ASIC2: variants seen among roughly 807,000 people sequenced by gnomAD.
ASIC2 encodes the protein acid-sensing ion channel 2.
ASIC2 carries 25 observed loss-of-function variants against 57.3 expected under a neutral mutation model. The observed-to-expected ratio is 0.44, with a 90% CI of 0.32 to 0.61. ASIC2 has a LOEUF of 0.61. Ranked by LOEUF, ASIC2 falls within the 20% of genes least tolerant of loss-of-function variation. ASIC2 has a pLI of 0.06. For missense variants in ASIC2, 641 were observed against 738.1 expected (o/e 0.87, Z 1.52); for synonymous variants, 319 against 307.5 (o/e 1.04, Z -0.39).
intron 9 of ASIC2, among the ~76,000 whole-genome samples, chr17:33,015,529 C>A (rs559855254): frequency 9.2e-5 from 14 of 152,306 alleles, no homozygotes; most frequent in African/African-American, 3.1e-4. Flanking sequence ...CTATAATGGG[C>A]ACTATTGCTA....
intron 1 of ASIC2, among the ~76,000 whole-genome samples, chr17:33,271,650 A>C (rs1904497397): frequency 6.6e-6 from 1 of 152,112 alleles, no homozygotes; most frequent in African/African-American, 2.4e-5. Context: ...ATATATGCCA[A>C]ATTGGACCAT....
At chr17:33,520,832 G>A (rs76925476) in intron 1 of ASIC2, among the ~76,000 whole-genome samples, 5,476 of 152,288 alleles carry the variant, frequency 0.036, 138 homozygotes, top group Non-Finnish European at 0.056. Context: ...TTCCCCAGGG[G>A]GAAATGACAA....
At chr17:33,667,603 G>C (rs888828843) in intron 1 of ASIC2, among the ~76,000 whole-genome samples, 2 of 152,146 alleles carry the variant, frequency 1.3e-5, no homozygotes, top group African/African-American at 4.8e-5. Context: ...TTGCTTATTA[G>C]CTGTGTCATT....
At chr17:33,925,272 G>A (rs7219398) in intron 1 of ASIC2, among the ~76,000 whole-genome samples, 42,791 of 152,178 alleles carry the variant, frequency 0.28, 7,262 homozygotes, top group Admixed American at 0.38. Flanking sequence ...GGTTGAATGA[G>A]GAGAAGAATA....
chr17:33,844,095 GGT>G (rs35209071), intron 1 of ASIC2, among the ~76,000 whole-genome samples: 22,910 of 152,056 alleles, frequency 0.15, 1,941 homozygotes, highest in Middle Eastern at 0.28. Context: ...AATAAGCTCT[GGT>G]GTATATGTAT....
chr17:34,122,361 G>C (rs1911649390), intron 1 of ASIC2, among the ~76,000 whole-genome samples: 1 of 152,202 alleles, frequency 6.6e-6, no homozygotes, highest in Non-Finnish European at 1.5e-5. Flanking sequence ...CACACTACCA[G>C]AATGAATGAA....
chr17:33,781,367 C>T (rs1911448029), intron 1 of ASIC2, among the ~76,000 whole-genome samples: 1 of 152,142 alleles, frequency 6.6e-6, no homozygotes, highest in African/African-American at 2.4e-5. Context: ...CTTGGAATTG[C>T]TTTCTGGAAC....
At chr17:33,513,008 T>C (rs889051179) in intron 1 of ASIC2, among the ~76,000 whole-genome samples, 1 of 152,182 alleles carries the variant, frequency 6.6e-6, no homozygotes, top group African/African-American at 2.4e-5. Context: ...TGTTGTCCAG[T>C]CTTGTGCTCT....
chr17:33,150,205 T>TG (rs1474647490), intron 1 of ASIC2, among the ~76,000 whole-genome samples: 1 of 152,204 alleles, frequency 6.6e-6, no homozygotes, highest in Non-Finnish European at 1.5e-5. Context: ...GGAACCTTCA[T>TG]CTAAGGCATT....
At position 34,037,623 on chromosome 17, in the gene ASIC2, A is replaced by G. The variant is rs1357474313; in HGVS notation, c.555+118355T>C. 1.9e-6 allele frequency: 3 copies of G among 1,596,410 alleles called. No individual in the cohort carries two copies. In the African/African-American group the frequency reaches 4.0e-5, roughly 21 times the overall value. On this transcript the variant is annotated intron_variant, in intron 1 of 9. Coordinates refer to the ASIC2 transcript ENST00000359872. ...AGTTTGTGGCCTTGGAGTCAGTCTC[A>G]ATTAGAAGAACTGTTATTGGACGCC...
chr17:33,631,946 G>A (rs1206937313), intron 1 of ASIC2, among the ~76,000 whole-genome samples: 1 of 152,184 alleles, frequency 6.6e-6, no homozygotes, highest in Non-Finnish European at 1.5e-5. Flanking sequence ...ATTCAAGAAT[G>A]GGGAAGGGCC....
intron 2 of ASIC2, among the ~76,000 whole-genome samples, chr17:33,108,052 G>T (rs1403759295): frequency 6.6e-6 from 1 of 152,164 alleles, no homozygotes; most frequent in Non-Finnish European, 1.5e-5. Context: ...CTTACAGTTT[G>T]CAGAGAACTC....
intron 1 of ASIC2, among the ~76,000 whole-genome samples, chr17:34,116,346 A>G (rs9914722): frequency 0.06 from 9,094 of 152,234 alleles, 860 homozygotes; most frequent in African/African-American, 0.2. Flanking sequence ...GGAAGGTAAT[A>G]GATAGAACCT....
Position 33,444,529 on chromosome 17 carries a change from C to G in ASIC2, c.556-332462G>C, listed in dbSNP as rs79231752. 7.0e-3 allele frequency among the ~76,000 whole-genome samples: 1,065 copies of G among 152,290 alleles called. 48 individuals carry two copies. In the East Asian group the frequency reaches 0.094, roughly 13 times the overall value. On this transcript the variant is annotated intron_variant, in intron 1 of 9. Coordinates refer to the ASIC2 transcript ENST00000359872. The stretch of plus-strand genomic sequence containing the variant: ...AAGGCTGCCTTACATCTCTTAACAT[C>G]ACCAATCTAACAGCCGCCATTTCCA...
chr17:33,363,592 C>T (rs919810015), intron 1 of ASIC2, among the ~76,000 whole-genome samples: 47 of 152,244 alleles, frequency 3.1e-4, no homozygotes, highest in African/African-American at 1.1e-3. Context: ...TGCATGGCCT[C>T]TGCCACTGAA....
At chr17:34,035,716 G>C (rs1055461775) in intron 1 of ASIC2, among the ~76,000 whole-genome samples, 2 of 150,552 alleles carry the variant, frequency 1.3e-5, no homozygotes, top group Non-Finnish European at 3.0e-5. Flanking sequence ...TCAAAAAGTG[G>C]GCAAAGGATA....
intron 1 of ASIC2, among the ~76,000 whole-genome samples, chr17:33,563,280 T>C (rs1032957743): frequency 6.6e-6 from 1 of 152,232 alleles, no homozygotes; most frequent in Non-Finnish European, 1.5e-5. Flanking sequence ...TTTACATGTC[T>C]GCTAATCCAA....
intron 1 of ASIC2, among the ~76,000 whole-genome samples, chr17:33,465,719 G>C (rs1440575682): frequency 2.0e-5 from 3 of 152,284 alleles, no homozygotes; most frequent in East Asian, 3.9e-4. Context: ...AACAGGAAAG[G>C]TCTGCCCCTT....
chr17:33,854,835 C>A (rs571093535), intron 1 of ASIC2, among the ~76,000 whole-genome samples: 1 of 151,966 alleles, frequency 6.6e-6, no homozygotes, highest in Non-Finnish European at 1.5e-5. Context: ...ATTGTCCTTC[C>A]CTGTGGGTGG....
Sources: allele counts gnomAD v4.1 joint callset (sites outside exome capture counted in the v4.1 genomes callset), GRCh38; gene constraint gnomAD v4.1.1; transcripts MANE v1.5; gene names NCBI Gene and HGNC (gene_info 2026-07-23, HGNC 2026-07-21).